The following CAMK1D variants were observed in gnomAD, a reference collection of about 807,000 sequenced individuals.
CAMK1D encodes calcium/calmodulin dependent protein kinase ID.
In CAMK1D, 9 loss-of-function variants were observed where a neutral mutation model predicts 47.7. That is an observed-to-expected ratio of 0.19 (90% CI 0.11 to 0.33). CAMK1D has a LOEUF of 0.33. Ranked by LOEUF, CAMK1D falls within the 10% of genes least tolerant of loss-of-function variation. The probability of loss-of-function intolerance (pLI) is 1.00; values close to 1 mark genes in which losing one functional copy is unlikely to be tolerated. For missense variants in CAMK1D, 291 were observed against 488.7 expected, an observed-to-expected ratio of 0.60 and a Z score of 3.81; for synonymous variants, 184 against 184.9, an observed-to-expected ratio of 0.99 and a Z score of 0.04.
At chr10:12,531,607 G>A (rs548555397) in intron 1 of CAMK1D, among the ~76,000 whole-genome samples, 59 of 152,304 alleles carry the variant, frequency 3.9e-4, no homozygotes, top group African/African-American at 1.3e-3. Context: ...TCCAAACCAC[G>A]CCTCCCATTT....
rs563078746 is a variant in CAMK1D, at chr10:12,506,716, C to T, written c.93-46509C>T. Among the ~76,000 whole-genome samples the T allele has an allele frequency of 9.9e-5, 15 of 152,210 alleles. No homozygotes were observed. In the East Asian group the frequency reaches 2.3e-3, roughly 24 times the overall value. On this transcript the variant is annotated intron_variant, in intron 1 of 10. Coordinates refer to ENST00000619168, the MANE Select transcript of CAMK1D (RefSeq NM_153498.4). ...TGTATTTGTAGTAGAGACGGGGTTT[C>T]ACCGTGCTACCCGGGATGGTCTCGG...
chr10:12,647,447 C>G (rs1426447199), intron 2 of CAMK1D, among the ~76,000 whole-genome samples: 1 of 152,178 alleles, frequency 6.6e-6, no homozygotes, highest in Non-Finnish European at 1.5e-5. Flanking sequence ...CCTCACCCAG[C>G]CCTCCGCCTA....
chr10:12,645,698 TG>T (rs1839792637), intron 2 of CAMK1D, among the ~76,000 whole-genome samples: 1 of 152,096 alleles, frequency 6.6e-6, no homozygotes, highest in Non-Finnish European at 1.5e-5. Flanking sequence ...ACAAGCTGTG[TG>T]GGGGTGATGT....
At chr10:12,394,635 G>T (rs1838870998) in intron 1 of CAMK1D, among the ~76,000 whole-genome samples, 1 of 152,124 alleles carries the variant, frequency 6.6e-6, no homozygotes, top group African/African-American at 2.4e-5. Context: ...TTCTTACCCT[G>T]CCACACCTGG....
At chr10:12,588,952 A>G (rs1422128485) in intron 2 of CAMK1D, among the ~76,000 whole-genome samples, 1 of 151,996 alleles carries the variant, frequency 6.6e-6, no homozygotes, top group Admixed American at 6.5e-5. Flanking sequence ...ACACATATTT[A>G]TATACAGGTG....
At chr10:12,391,808 TAG>T (rs1254198803) in intron 1 of CAMK1D, among the ~76,000 whole-genome samples, 1 of 152,180 alleles carries the variant, frequency 6.6e-6, no homozygotes, top group African/African-American at 2.4e-5. Context: ...GGACTCAAAA[TAG>T]AGTTTCTCCC....
At chr10:12,495,977 G>A (rs539571093) in intron 1 of CAMK1D, among the ~76,000 whole-genome samples, 5 of 152,058 alleles carry the variant, frequency 3.3e-5, no homozygotes, top group South Asian at 4.2e-4. Flanking sequence ...ACTTGTGTGC[G>A]CCACTGTGCC....
chr10:12,357,248 T>A (rs1837545968), intron 1 of CAMK1D, among the ~76,000 whole-genome samples: 1 of 152,158 alleles, frequency 6.6e-6, no homozygotes, highest in East Asian at 1.9e-4. Flanking sequence ...CTCGGCTCAC[T>A]GCAACCTCTG....
chr10:12,468,011 A>C (rs1463359982), intron 1 of CAMK1D, among the ~76,000 whole-genome samples: 1 of 152,214 alleles, frequency 6.6e-6, no homozygotes, highest in African/African-American at 2.4e-5. Context: ...AAATTGATAT[A>C]GTTCATGTCA....
intron 2 of CAMK1D, among the ~76,000 whole-genome samples, chr10:12,580,087 A>G (rs1837615998): frequency 1.3e-5 from 2 of 152,272 alleles, no homozygotes; most frequent in African/African-American, 4.8e-5. Context: ...GGGGAGGAAA[A>G]TACTGCTCTG....
chr10:12,438,278 CT>C (rs1252111861), intron 1 of CAMK1D, among the ~76,000 whole-genome samples: 16 of 152,218 alleles, frequency 1.1e-4, no homozygotes, highest in African/African-American at 3.9e-4. Flanking sequence ...TTTTTGGCTG[CT>C]GCATGGCTGA....
At chr10:12,756,821 G>A (rs4598566) in intron 3 of CAMK1D, among the ~76,000 whole-genome samples, 61,621 of 152,008 alleles carry the variant, frequency 0.41, 12,598 homozygotes, top group African/African-American at 0.47. Flanking sequence ...CCAGCTACTC[G>A]GGAGGCTAAG....
At chr10:12,442,371 C>T (rs914777390) in intron 1 of CAMK1D, among the ~76,000 whole-genome samples, 5 of 152,090 alleles carry the variant, frequency 3.3e-5, no homozygotes, top group Non-Finnish European at 7.4e-5. Context: ...GTCCCACCTA[C>T]TCAGGAGGCT....
intron 1 of CAMK1D, among the ~76,000 whole-genome samples, chr10:12,365,831 T>C (rs975290513): frequency 1.3e-5 from 2 of 152,038 alleles, no homozygotes; most frequent in African/African-American, 4.8e-5. Flanking sequence ...GGTGGACCAA[T>C]CAGTTGAAGT....
intron 1 of CAMK1D, among the ~76,000 whole-genome samples, chr10:12,374,804 G>A: frequency 6.6e-6 from 1 of 152,028 alleles, no homozygotes; most frequent in South Asian, 2.1e-4. Context: ...TTAGCCGGGT[G>A]TGGTGGTGGG....
chr10:12,475,868 C>T (rs1488565784), intron 1 of CAMK1D, among the ~76,000 whole-genome samples: 20 of 152,026 alleles, frequency 1.3e-4, no homozygotes, highest in Admixed American at 1.2e-3. Flanking sequence ...GGCATGGCTC[C>T]CTGAGTGATG....
chr10:12,557,740 G>A (rs993762870), intron 2 of CAMK1D, among the ~76,000 whole-genome samples: 4 of 151,954 alleles, frequency 2.6e-5, no homozygotes, highest in Admixed American at 2.6e-4. Context: ...CTGGCCATTG[G>A]TTTATTTCCA....
rs563444069 is a variant in CAMK1D, at chr10:12,589,463, G to A, written c.224+36107G>A. ...AGGCCATGGCTGAGCTTCACTGACC[G>A]TGCTTGCTTTGCCTTTTGTGATTTG... On this transcript the variant is annotated intron_variant, in intron 2 of 10. Transcript: ENST00000619168. Among the ~76,000 whole-genome samples, 19 of 152,308 alleles carry A rather than the reference G, an allele frequency of 1.2e-4. No homozygotes were observed. The East Asian group carries it at 3.1e-3, about 25-fold the overall frequency.
rs1181118050 is a variant in CAMK1D, at chr10:12,835,290, G to A, written c.*6403G>A. ...CCCCGCATCTACTATTACCAGGCTTGCAATTGGTTCAATTTTCCCATAAAA... is the reference window on the plus strand; with the variant it reads ...CCCCGCATCTACTATTACCAGGCTTACAATTGGTTCAATTTTCCCATAAAA... On this transcript the variant is annotated 3_prime_UTR_variant, in exon 11 of 11. Transcript: ENST00000619168. 1.3e-5 allele frequency: 2 copies of A among 152,174 alleles called. No homozygotes were observed. Among genetic ancestry groups the A allele is most frequent in the Non-Finnish European group, 2.9e-5 (2 of 68,038 alleles). 9.4% of individuals were successfully genotyped at this position (152,174 alleles called of 1,614,324 possible).
Sources: allele counts gnomAD v4.1 joint callset (sites outside exome capture counted in the v4.1 genomes callset), GRCh38; gene constraint gnomAD v4.1.1; transcripts MANE v1.5; gene names NCBI Gene and HGNC (gene_info 2026-07-23, HGNC 2026-07-21).